Variants in CSMD2 observed in about 807,000 individuals in gnomAD.
CSMD2 encodes the protein CUB and sushi domain-containing protein 2.
Under a neutral mutation model 398.5 loss-of-function variants are expected in CSMD2, and 130 were observed. The ratio of observed to expected loss-of-function variants is 0.33; its 90% CI spans 0.28 to 0.38. CSMD2 has a LOEUF of 0.38. Ranked by LOEUF, CSMD2 falls within the 10% of genes least tolerant of loss-of-function variation. The probability of loss-of-function intolerance (pLI) is 1.00; values close to 1 mark genes in which losing one functional copy is unlikely to be tolerated. For synonymous variants in CSMD2, 1,828 were observed against 1,908.5 expected (o/e 0.96, Z 1.10); for missense variants, 3,829 against 4,764.9 (o/e 0.80, Z 5.78).
intron 44 of CSMD2, among the ~76,000 whole-genome samples, chr1:33,598,454 T>C (rs1030130487): frequency 1.3e-5 from 2 of 152,158 alleles, no homozygotes; most frequent in Non-Finnish European, 2.9e-5. Flanking sequence ...TGAATGGCTG[T>C]CTTAATCCAT....
At chr1:33,922,401 CTG>C (rs1643975409) in intron 4 of CSMD2, among the ~76,000 whole-genome samples, 1 of 152,152 alleles carries the variant, frequency 6.6e-6, no homozygotes, top group Non-Finnish European at 1.5e-5. Flanking sequence ...CACAGCCACT[CTG>C]TGTGGCCAAG....
chr1:34,016,187 T>A (rs545116636), intron 3 of CSMD2, among the ~76,000 whole-genome samples: 6 of 152,188 alleles, frequency 3.9e-5, no homozygotes, highest in African/African-American at 1.4e-4. Context: ...GTTCTGAATG[T>A]GCAGGTTTGT....
intron 1 of CSMD2, among the ~76,000 whole-genome samples, chr1:34,090,020 T>A (rs1211769542): frequency 6.6e-6 from 1 of 152,188 alleles, no homozygotes; most frequent in Admixed American, 6.5e-5. Flanking sequence ...TCTGGTCCCA[T>A]TGATCCACCC....
At chr1:34,072,009 T>C (rs1308922317) in intron 2 of CSMD2, among the ~76,000 whole-genome samples, 1 of 152,168 alleles carries the variant, frequency 6.6e-6, no homozygotes, top group African/African-American at 2.4e-5. Context: ...TAGGACTTAG[T>C]GAAGATCACA....
At chr1:33,544,494 G>A (rs1022176438) in intron 57 of CSMD2, among the ~76,000 whole-genome samples, 2 of 152,040 alleles carry the variant, frequency 1.3e-5, no homozygotes, top group African/African-American at 2.4e-5. Context: ...TCTTTTAATG[G>A]AGAATGGACC....
At chr1:33,976,633 C>G (rs1277928196) in intron 3 of CSMD2, among the ~76,000 whole-genome samples, 1 of 152,108 alleles carries the variant, frequency 6.6e-6, no homozygotes, top group Non-Finnish European at 1.5e-5. Context: ...CAGGAGTCTC[C>G]TTATTCCAAA....
chr1:33,654,999 C>T (rs1643904988), intron 27 of CSMD2, among the ~76,000 whole-genome samples: 1 of 152,270 alleles, frequency 6.6e-6, no homozygotes, highest in African/African-American at 2.4e-5. Context: ...ATGGGCTTCC[C>T]TGGCTGCTGC....
At chr1:33,769,741 T>TC (rs1465383691) in intron 13 of CSMD2, among the ~76,000 whole-genome samples, 2 of 152,188 alleles carry the variant, frequency 1.3e-5, no homozygotes, top group African/African-American at 2.4e-5. Context: ...ACTTTGCACC[T>TC]CTTCAGACAA....
intron 53 of CSMD2, among the ~76,000 whole-genome samples, chr1:33,566,519 G>A (rs1659073697): frequency 6.6e-6 from 1 of 151,960 alleles, no homozygotes; most frequent in Admixed American, 6.6e-5. Flanking sequence ...AGAAAAAGAT[G>A]GTTAAGTTAG....
intron 55 of CSMD2, among the ~76,000 whole-genome samples, chr1:33,553,684 T>C (rs1657677316): frequency 1.3e-5 from 2 of 152,070 alleles, no homozygotes; most frequent in African/African-American, 4.8e-5. Flanking sequence ...ATTAGTGAAA[T>C]TGTGAATGCA....
chr1:33,729,586 C>T (rs375252439), intron 15 of CSMD2, among the ~76,000 whole-genome samples: 32 of 150,604 alleles, frequency 2.1e-4, no homozygotes, highest in Middle Eastern at 3.5e-3. Context: ...CCCATTAACT[C>T]GTCATTTAGC....
intron 25 of CSMD2, among the ~76,000 whole-genome samples, chr1:33,681,030 T>G (rs1644894468): frequency 6.8e-6 from 1 of 146,664 alleles, no homozygotes; most frequent in Non-Finnish European, 1.5e-5. Context: ...GTTCAAGTGA[T>G]TCTCATGCCT....
intron 55 of CSMD2, 87 bp downstream of exon 55, chr1:33,557,647 C>CAT: frequency 9.4e-7 from 1 of 1,067,618 alleles, no homozygotes; most frequent in Non-Finnish European, 1.3e-6. Context: ...CACACACACA[C>CAT]ACACACACAC....
intron 47 of CSMD2, among the ~76,000 whole-genome samples, chr1:33,582,298 G>A (rs1557573106): frequency 6.6e-6 from 1 of 152,190 alleles, no homozygotes. Context: ...CGGGATCTAC[G>A]AAGATGGCTC....
At chr1:33,604,080 G>A (rs1423055422) in intron 42 of CSMD2, among the ~76,000 whole-genome samples, 1 of 152,214 alleles carries the variant, frequency 6.6e-6, no homozygotes, top group Non-Finnish European at 1.5e-5. Flanking sequence ...TGGTGTCAGA[G>A]AAGCCAAGGG....
chr1:34,163,933 C>T lies in CSMD2; in HGVS notation c.187+978G>A, dbSNP rs982748015. On this transcript the variant is annotated intron_variant, in intron 1 of 70. Coordinates refer to ENST00000373381, the MANE Select transcript of CSMD2 (RefSeq NM_001281956.2). This position sits in a 1 kb window ranked among gnomAD's most constrained non-coding sequence, Gnocchi z 5.4. Reference sequence around the variant, plus strand: ...TAGCCTCCACAGGGGACCGGGTTCCCTCGAAGGTTCGCGTACCTCCCCCGC... The same window carrying T: ...TAGCCTCCACAGGGGACCGGGTTCCTTCGAAGGTTCGCGTACCTCCCCCGC... Among the ~76,000 whole-genome samples the T allele has an allele frequency of 6.6e-6, 1 of 152,106 alleles. No homozygotes were observed. The highest frequency in any genetic ancestry group is 2.4e-5 in the African/African-American group (1 of 41,442).
rs1656866192 is a variant in CSMD2 at position 33,546,135 on chromosome 1, A to G, written c.9002T>C (p.Met3001Thr). 1 of 1,614,222 alleles carries G rather than the reference A, an allele frequency of 6.2e-7. No individual in the cohort carries two copies. The highest frequency in any genetic ancestry group is 8.5e-7 in the Non-Finnish European group (1 of 1,180,032). ...LGDSFDPGTV[M>T]RFSCEAGHVL... is the part of the protein sequence containing the mutation. ...GTGGCCAGCTTCACAGCTGAAGCGCATCACAGTGCCTGGATCAAAGCTGTC... is the reference window on the plus strand; with the variant it reads ...GTGGCCAGCTTCACAGCTGAAGCGCGTCACAGTGCCTGGATCAAAGCTGTC... The change falls in exon 57 of 71, where the codon ATG becomes ACG. Residue 3001 changes from methionine to threonine, a missense_variant. Met to Thr is a moderately conservative substitution (Grantham distance 81). Around this residue, in one of 5 missense-constraint regions of CSMD2, gnomAD observed 917 missense variants for 1,199.5 expected, o/e 0.76. Transcript: ENST00000373381.
At chr1:33,907,110 ATTATC>A (rs1299008909) in intron 5 of CSMD2, among the ~76,000 whole-genome samples, 2 of 138,096 alleles carry the variant, frequency 1.4e-5, no homozygotes, top group Non-Finnish European at 3.1e-5. Context: ...TTATTTGATG[ATTATC>A]TTTTTTTTTT....
At chr1:33,921,194 C>A (rs1346980805) in intron 4 of CSMD2, among the ~76,000 whole-genome samples, 1 of 152,082 alleles carries the variant, frequency 6.6e-6, no homozygotes, top group African/African-American at 2.4e-5. Context: ...CCCCAGAAAG[C>A]AGGAAGGGAG....
Sources: gnomAD v4.1 joint callset for allele counts (sites outside exome capture counted in the v4.1 genomes callset) on GRCh38, gnomAD v4.1.1 for gene constraint, gnomAD v4.1.1 regional missense constraint, Gnocchi (gnomAD v3.1) non-coding constraint, MANE v1.5 for transcripts, NCBI Gene and HGNC (gene_info 2026-07-23, HGNC 2026-07-21) for gene names.